Variants in PCDHA4 observed in about 807,000 individuals in gnomAD.
The protein encoded by PCDHA4 is protocadherin alpha-4.
In PCDHA4, 49 loss-of-function variants were observed where a neutral mutation model predicts 61.4. The observed-to-expected ratio is 0.80, with a 90% confidence interval of 0.63 to 1.01. The LOEUF (loss-of-function observed/expected upper bound fraction) is 1.01. Ranked by LOEUF, PCDHA4 falls within the 50% of genes least tolerant of loss-of-function variation. The pLI is 0.00. For missense variants in PCDHA4, 1,254 were observed against 1,235.8 expected (o/e 1.01, Z -0.22); for synonymous variants, 590 against 550.3 (o/e 1.07, Z -1.01).
rs2150437500 is a variant in PCDHA4, at chr5:140,849,439, C to A, written c.2385+39867C>A. ...CATATGGATTTTGAAGAAAGTAGAG[C>A]ACACAAGATCCCAGTCGAGGCTGTC... On this transcript the variant is annotated intron_variant, in intron 1 of 3. Transcript: ENST00000530339. 1.5e-5 allele frequency: 23 copies of A among 1,582,476 alleles called. 2 individuals carry two copies. In the African/African-American group the frequency reaches 2.8e-4, roughly 19 times the overall value.
chr5:140,973,125 G>A (rs1417014318), intron 1 of PCDHA4, among the ~76,000 whole-genome samples: 2 of 152,166 alleles, frequency 1.3e-5, no homozygotes, highest in African/African-American at 4.8e-5. Context: ...GATGAATTAA[G>A]TTTGCATTCA....
In PCDHA4 at chr5:140,852,849, T is replaced by G. The variant is rs1421796229; in HGVS notation, c.2385+43277T>G. Reference sequence around the variant, plus strand: ...CAGTCTCCTTAGAGCTAGTACTTACTAAGCATTTACTATGTCATCAATAAT... The same window carrying G: ...CAGTCTCCTTAGAGCTAGTACTTACGAAGCATTTACTATGTCATCAATAAT... On this transcript the variant is annotated intron_variant, in intron 1 of 3. Transcript: ENST00000530339. 3.1e-6 allele frequency: 3 copies of G among 967,454 alleles called. 1 individual carries two copies. Among genetic ancestry groups the G allele is most frequent in the East Asian group, 1.1e-4 (1 of 8,764 alleles). 59.9% of individuals were successfully genotyped at this position (967,454 alleles called of 1,614,324 possible).
At chr5:140,915,699 C>G (rs1321126272) in intron 1 of PCDHA4, among the ~76,000 whole-genome samples, 1 of 151,944 alleles carries the variant, frequency 6.6e-6, no homozygotes, top group Non-Finnish European at 1.5e-5. Context: ...GTGATGCAAG[C>G]ACTCCTGTGG....
At chr5:140,868,806 G>T (rs374832846) in intron 1 of PCDHA4, 1 of 357,072 alleles carries the variant, frequency 2.8e-6, no homozygotes, top group South Asian at 6.9e-5. Flanking sequence ...AAATAAGCAC[G>T]TTGGAAATAT....
At chr5:140,971,207 A>C (rs2096463327) in intron 1 of PCDHA4, among the ~76,000 whole-genome samples, 1 of 152,050 alleles carries the variant, frequency 6.6e-6, no homozygotes, top group South Asian at 2.1e-4. Flanking sequence ...AGACACTGTT[A>C]CCCTCCCTCT....
intron 1 of PCDHA4, among the ~76,000 whole-genome samples, chr5:140,833,035 T>C (rs1192645027): frequency 2.6e-5 from 4 of 152,298 alleles, no homozygotes; most frequent in South Asian, 2.1e-4. Context: ...GAGAGTGTGA[T>C]ATAAAGCAAG....
At chr5:140,927,033 G>T in intron 1 of PCDHA4, 1 of 1,612,344 alleles carries the variant, frequency 6.2e-7, no homozygotes, top group Non-Finnish European at 8.5e-7. Context: ...GGCTGCCAGC[G>T]GCCGCTATGT....
intron 1 of PCDHA4, among the ~76,000 whole-genome samples, chr5:140,832,518 C>T (rs1455279250): frequency 6.6e-6 from 1 of 152,190 alleles, no homozygotes; most frequent in African/African-American, 2.4e-5. Flanking sequence ...TCTGATTATA[C>T]TGAAGATCAC....
chr5:140,867,596 G>C (rs1388910756), intron 1 of PCDHA4: 2 of 152,076 alleles, frequency 1.3e-5, no homozygotes, highest in African/African-American at 2.4e-5. Context: ...TTAGATTGGA[G>C]ATAAACCATC....
In PCDHA4 at chr5:140,985,839, A is replaced by G. The variant is rs570244448; in HGVS notation, c.2533+3276A>G. On this transcript the variant is annotated intron_variant, in intron 3 of 3. Coordinates refer to ENST00000530339, the MANE Select transcript of PCDHA4 (RefSeq NM_018907.4). ...ACAACAAGCTCTGCCTCCCGGGTTC[A>G]TGCCACTCTCCTGCCTCAGCCTCCT... Among the ~76,000 whole-genome samples the G allele has an allele frequency of 6.2e-5, 9 of 144,378 alleles. No homozygotes were observed. The East Asian group carries it at 1.9e-3, about 30-fold the overall frequency. 94.7% of individuals were successfully genotyped at this position (144,378 alleles called of 152,430 possible). A position where few individuals can be genotyped will look rare whatever the true frequency, so the allele number is the denominator to read the frequency against.
At chr5:140,902,560 G>A (rs558432897) in intron 1 of PCDHA4, among the ~76,000 whole-genome samples, 1 of 151,954 alleles carries the variant, frequency 6.6e-6, no homozygotes, top group African/African-American at 2.4e-5. Flanking sequence ...CCAGATTTTT[G>A]AGGGTTTTTA....
chr5:140,876,154 A>C, intron 1 of PCDHA4: 2 of 1,613,972 alleles, frequency 1.2e-6, no homozygotes, highest in Non-Finnish European at 1.7e-6. Flanking sequence ...GTCTGTCCAG[A>C]TTCAAATAAC....
chr5:140,935,280 G>A (rs1039041502), intron 1 of PCDHA4, among the ~76,000 whole-genome samples: 2 of 152,114 alleles, frequency 1.3e-5, no homozygotes, highest in Admixed American at 6.5e-5. Context: ...ATCTAATAAA[G>A]TTCAGCACTC....
At chr5:140,841,727 A>G (rs2150321736) in intron 1 of PCDHA4, 1 of 1,613,902 alleles carries the variant, frequency 6.2e-7, no homozygotes, top group Admixed American at 1.7e-5. Context: ...GTTCCGGGTA[A>G]AAGACCAAAA....
intron 1 of PCDHA4, chr5:140,849,147 G>A (rs2150431262): frequency 2.3e-6 from 3 of 1,282,624 alleles, no homozygotes; most frequent in South Asian, 2.7e-5. Context: ...CACCGATGGA[G>A]GCAAACCCGA....
At chr5:140,887,059 C>G (rs1474485995) in intron 1 of PCDHA4, among the ~76,000 whole-genome samples, 1 of 151,642 alleles carries the variant, frequency 6.6e-6, no homozygotes, top group Non-Finnish European at 1.5e-5. Flanking sequence ...TATGTTCTGG[C>G]AACAAATTCA....
At chr5:140,836,640 C>T (rs1554136168) in intron 1 of PCDHA4, 21 of 1,613,350 alleles carry the variant, frequency 1.3e-5, no homozygotes, top group Non-Finnish European at 1.6e-5. Context: ...ATTCTCCCAG[C>T]AGAGGCGGCA....
At chr5:140,869,729 A>T (rs1554163384) in intron 1 of PCDHA4, 2 of 1,613,280 alleles carry the variant, frequency 1.2e-6, no homozygotes, top group Non-Finnish European at 1.7e-6. Context: ...CCGGAACTTA[A>T]TTTGCTGCTA....
chr5:140,896,008 T>C (rs1231092307), intron 1 of PCDHA4, among the ~76,000 whole-genome samples: 4 of 152,082 alleles, frequency 2.6e-5, no homozygotes, highest in Non-Finnish European at 4.4e-5. Flanking sequence ...ACAGGGTTTC[T>C]CCATGTTGGC....
Sources: gnomAD v4.1 joint callset for allele counts (sites outside exome capture counted in the v4.1 genomes callset) on GRCh38, gnomAD v4.1.1 for gene constraint, MANE v1.5 for transcripts, NCBI Gene and HGNC (gene_info 2026-07-23, HGNC 2026-07-21) for gene names.